Variants in ANKRD31 observed in about 807,000 individuals in gnomAD.
ANKRD31 encodes ankyrin repeat domain 31.
In ANKRD31, 147 loss-of-function variants were observed where a neutral mutation model predicts 186.0. The ratio of observed to expected loss-of-function variants is 0.79; its 90% CI spans 0.69 to 0.91. The LOEUF is 0.91. Ranked by LOEUF, ANKRD31 falls within the 40% of genes least tolerant of loss-of-function variation. The pLI, the probability that ANKRD31 is intolerant of heterozygous loss-of-function variation, is 0.00. For synonymous variants in ANKRD31, 673 were observed against 736.4 expected, an observed-to-expected ratio of 0.91 and a Z score of 1.39; for missense variants, 1,986 against 2,148.8, an observed-to-expected ratio of 0.92 and a Z score of 1.50.
At position 75,107,558 on chromosome 5, in the gene ANKRD31, G is replaced by T; in HGVS notation, c.4303C>A (p.Gln1435Lys). ...GCCAGATCATCCCTTTCTGCTTTCT[G>T]CTTGGCAAGCACATTATCCATAATC... ...KKIMDNVLAK[Q>K]KAERDDLAKK... is the part of the protein sequence containing the mutation. The change falls in exon 21 of 26, where the codon CAG becomes AAG. Residue 1435 changes from glutamine (Q) to lysine (K), a missense_variant. Physicochemically the swap from Gln to Lys is moderately conservative, Grantham distance 53 (BLOSUM62 1). Coordinates refer to ENST00000506364, the MANE Select transcript of ANKRD31 (RefSeq NM_001372053.1). 1 of 1,529,248 alleles carries T rather than the reference G, an allele frequency of 6.5e-7. No individual in the cohort carries two copies. Among genetic ancestry groups the T allele is most frequent in the South Asian group, 1.2e-5 (1 of 83,054 alleles). 94.7% of individuals were successfully genotyped at this position (1,529,248 alleles called of 1,614,324 possible).
chr5:75,206,601 T>C (rs1174522465), intron 4 of ANKRD31, 114 bp from the exon 5 acceptor site: 1 of 424,946 alleles, frequency 2.4e-6, no homozygotes, highest in Non-Finnish European at 3.8e-6. Flanking sequence ...AATAGGATAA[T>C]TTTTTGCTAT....
At position 75,173,032 on chromosome 5, in the gene ANKRD31, A is replaced by G. The variant is rs556732199; in HGVS notation, c.1565-3911T>C. On this transcript the variant is annotated intron_variant, in intron 10 of 25. Transcript: ENST00000506364. ...AATCCAGCAGCACATCAAAAAGCTT[A>G]TCCACCATGATCAAGTGTGCTTCAT... Among the ~76,000 whole-genome samples the G allele has an allele frequency of 2.0e-5, 3 of 152,326 alleles. No homozygotes were observed. The South Asian group carries it at 6.2e-4, about 32-fold the overall frequency.
intron 1 of ANKRD31, 37 bp downstream of exon 1, chr5:75,236,546 G>T (rs767526491): frequency 1.3e-6 from 2 of 1,522,182 alleles, no homozygotes; most frequent in Non-Finnish European, 8.8e-7. Context: ...CCGCCCTGGC[G>T]CGAGGGTTCA....
chr5:75,210,720 C>CA (rs1756571677), intron 4 of ANKRD31, 108 bp downstream of exon 4: 1 of 802,396 alleles, frequency 1.2e-6, no homozygotes, highest in Non-Finnish European at 1.8e-6. Context: ...GGCAATTATT[C>CA]AAAAATATAC....
chr5:75,149,773 G>A (rs762567188), intron 12 of ANKRD31, among the ~76,000 whole-genome samples: 6 of 151,912 alleles, frequency 3.9e-5, no homozygotes, highest in African/African-American at 9.7e-5. Context: ...TATAGAGAAA[G>A]TGCTCCATTA....
chr5:75,171,980 G>C (rs148385600), intron 10 of ANKRD31, among the ~76,000 whole-genome samples: 2,251 of 151,772 alleles, frequency 0.015, 66 homozygotes, highest in African/African-American at 0.051. Context: ...ATTATACACT[G>C]ATAATTATAA....
intron 3 of ANKRD31, among the ~76,000 whole-genome samples, chr5:75,221,482 A>G (rs1291148547): frequency 6.6e-6 from 1 of 152,216 alleles, no homozygotes; most frequent in Admixed American, 6.5e-5. Context: ...GTTTAAGAAG[A>G]ATCCCTAATA....
At chr5:75,153,048 G>C (rs1374799944) in intron 12 of ANKRD31, among the ~76,000 whole-genome samples, 2 of 151,972 alleles carry the variant, frequency 1.3e-5, no homozygotes, top group Non-Finnish European at 2.9e-5. Flanking sequence ...ACTGGCTTTT[G>C]TCTAAGGTAC....
At chr5:75,125,645 A>G (rs974644834) in intron 17 of ANKRD31, among the ~76,000 whole-genome samples, 4 of 152,226 alleles carry the variant, frequency 2.6e-5, no homozygotes, top group Non-Finnish European at 5.9e-5. Context: ...ACTTTAATAT[A>G]CAAAAAAAGA....
At chr5:75,206,204 C>T (rs548395307) in intron 5 of ANKRD31, among the ~76,000 whole-genome samples, 1 of 99,304 alleles carries the variant, frequency 1.0e-5, no homozygotes, top group Admixed American at 1.3e-4. Flanking sequence ...CATAGCAAGA[C>T]CACATCTCTA....
At chr5:75,231,186 C>G (rs183897355) in intron 1 of ANKRD31, among the ~76,000 whole-genome samples, 95 of 152,230 alleles carry the variant, frequency 6.2e-4, no homozygotes, top group Non-Finnish European at 1.6e-4. Context: ...CCTCCTGCCT[C>G]AGCCTCCCAA....
intron 20 of ANKRD31, among the ~76,000 whole-genome samples, chr5:75,107,895 T>C (rs1000674291): frequency 2.6e-5 from 4 of 152,046 alleles, no homozygotes; most frequent in South Asian, 2.1e-4. Context: ...ATGTAACTTA[T>C]ATGGTTAGCT....
intron 7 of ANKRD31, among the ~76,000 whole-genome samples, chr5:75,194,999 AAAACAAAG>A (rs1478364391): frequency 5.3e-5 from 8 of 152,266 alleles, no homozygotes; most frequent in African/African-American, 1.9e-4. Flanking sequence ...ATTATTTTTA[AAAACAAAG>A]AAACTGTCAA....
intron 17 of ANKRD31, among the ~76,000 whole-genome samples, chr5:75,122,753 A>C (rs1748903796): frequency 6.6e-6 from 1 of 152,162 alleles, no homozygotes; most frequent in Non-Finnish European, 1.5e-5. Flanking sequence ...AAAAACTCTC[A>C]ACAAACTAGG....
intron 25 of ANKRD31, 70 bp downstream of exon 25, chr5:75,080,498 A>C (rs1420551693): frequency 8.0e-5 from 85 of 1,066,486 alleles, no homozygotes; most frequent in Non-Finnish European, 1.1e-4. Context: ...TATTTGATCT[A>C]TTTGCACAAT....
chr5:75,163,182 CT>C (rs1412478814), intron 11 of ANKRD31, among the ~76,000 whole-genome samples: 3 of 152,094 alleles, frequency 2.0e-5, no homozygotes, highest in Non-Finnish European at 4.4e-5. Flanking sequence ...GTTTAATATT[CT>C]TTATTTGAAA....
At chr5:75,125,198 A>C (rs1749141061) in intron 17 of ANKRD31, among the ~76,000 whole-genome samples, 1 of 152,242 alleles carries the variant, frequency 6.6e-6, no homozygotes, top group South Asian at 2.1e-4. Context: ...AAGACAGCAG[A>C]TAATGGCAGG....
At chr5:75,124,714 T>C (rs1749079190) in intron 17 of ANKRD31, among the ~76,000 whole-genome samples, 1 of 152,114 alleles carries the variant, frequency 6.6e-6, no homozygotes, top group African/African-American at 2.4e-5. Context: ...GTGAAAACAA[T>C]TCAGGAACAA....
intron 17 of ANKRD31, among the ~76,000 whole-genome samples, chr5:75,136,282 T>C (rs895294077): frequency 1.3e-5 from 2 of 152,050 alleles, no homozygotes; most frequent in Admixed American, 6.5e-5. Context: ...AGGGCTAATA[T>C]CCAGACTCTA....
Sources: allele counts gnomAD v4.1 joint callset (sites outside exome capture counted in the v4.1 genomes callset), GRCh38; gene constraint gnomAD v4.1.1; transcripts MANE v1.5; gene names NCBI Gene and HGNC (gene_info 2026-07-23, HGNC 2026-07-21).